Variants in PCDH9 observed in about 807,000 individuals in gnomAD.
PCDH9 encodes protocadherin 9.
PCDH9 carries 24 observed loss-of-function variants against 70.6 expected under a neutral mutation model. That is an observed-to-expected ratio of 0.34 (90% confidence interval 0.25 to 0.48). The LOEUF is 0.48. Ranked by LOEUF, PCDH9 falls within the 20% of genes least tolerant of loss-of-function variation. PCDH9 has a pLI of 0.99. For synonymous variants in PCDH9, 562 were observed against 558.5 expected (o/e 1.01, Z -0.09); for missense variants, 1,281 against 1,503.6 (o/e 0.85, Z 2.45).
At chr13:67,026,012 A>G (rs1247205849) in intron 2 of PCDH9, among the ~76,000 whole-genome samples, 1 of 152,178 alleles carries the variant, frequency 6.6e-6, no homozygotes. Flanking sequence ...TTTATGATAT[A>G]TAGGTATTCT....
At chr13:67,209,741 T>C (rs2089430973) in intron 2 of PCDH9, 1 of 152,130 alleles carries the variant, frequency 6.6e-6, no homozygotes, top group African/African-American at 2.4e-5. Flanking sequence ...AACCGTTTTA[T>C]TTTATTTCCA....
In PCDH9 at chr13:66,551,766, C is replaced by T. The variant is rs895264840; in HGVS notation, c.3340+79444G>A. On this transcript the variant is annotated intron_variant, in intron 4 of 4. Coordinates refer to ENST00000377865, the MANE Select transcript of PCDH9 (RefSeq NM_203487.3). Reference sequence around the variant, plus strand: ...TAAATTATATTTTTTTCATCTTCTGCGTTAAAACCACGTAGAATAATTTTC... The same window carrying T: ...TAAATTATATTTTTTTCATCTTCTGTGTTAAAACCACGTAGAATAATTTTC... 5.6e-4 allele frequency among the ~76,000 whole-genome samples: 85 copies of T among 151,826 alleles called. 1 individual carries two copies. The highest frequency in any genetic ancestry group is 6.3e-4 in the South Asian group (3 of 4,796).
chr13:66,727,877 T>C (rs1237021620), intron 3 of PCDH9, among the ~76,000 whole-genome samples: 2 of 152,156 alleles, frequency 1.3e-5, no homozygotes, highest in Admixed American at 6.6e-5. Flanking sequence ...TACGTAAACT[T>C]AGAGACTACA....
chr13:66,450,513 T>A (rs1958184045), intron 4 of PCDH9, among the ~76,000 whole-genome samples: 1 of 152,192 alleles, frequency 6.6e-6, no homozygotes, highest in South Asian at 2.1e-4. Context: ...TAGAAGGATC[T>A]ATACTATTTC....
intron 3 of PCDH9, among the ~76,000 whole-genome samples, chr13:66,776,446 TCAATG>T (rs1297227144): frequency 6.6e-6 from 1 of 150,792 alleles, no homozygotes; most frequent in East Asian, 2.0e-4. Context: ...GGATACAAAA[TCAATG>T]TACAAAAATC....
chr13:66,414,053 G>GA (rs1593939021), intron 4 of PCDH9, among the ~76,000 whole-genome samples: 1 of 151,418 alleles, frequency 6.6e-6, no homozygotes, highest in Non-Finnish European at 1.5e-5. Context: ...GAAACTCAAA[G>GA]AAAAAATATA....
At chr13:66,503,021 A>G (rs1202921920) in intron 4 of PCDH9, among the ~76,000 whole-genome samples, 1 of 152,214 alleles carries the variant, frequency 6.6e-6, no homozygotes, top group Admixed American at 6.5e-5. Context: ...TACACCTTAA[A>G]GAATCAGTCA....
intron 4 of PCDH9, among the ~76,000 whole-genome samples, chr13:66,553,849 T>C (rs1230715966): frequency 6.6e-6 from 1 of 152,324 alleles, no homozygotes; most frequent in South Asian, 2.1e-4. Flanking sequence ...CCAAAAGAAC[T>C]ATTTAATCTT....
At chr13:67,009,484 A>G (rs1447070972) in intron 2 of PCDH9, among the ~76,000 whole-genome samples, 2 of 152,110 alleles carry the variant, frequency 1.3e-5, no homozygotes, top group Admixed American at 6.6e-5. Context: ...CTACAAATAT[A>G]TAAGCCTCAA....
intron 3 of PCDH9, among the ~76,000 whole-genome samples, chr13:66,795,590 T>G (rs1156324718): frequency 1.3e-5 from 2 of 152,194 alleles, no homozygotes; most frequent in African/African-American, 4.8e-5. Context: ...AGTATTTTTA[T>G]GCCTGTTTTT....
At chr13:66,425,595 C>T (rs774821557) in intron 4 of PCDH9, among the ~76,000 whole-genome samples, 21 of 151,282 alleles carry the variant, frequency 1.4e-4, no homozygotes, top group Non-Finnish European at 2.8e-4. Flanking sequence ...TGTATTTGTC[C>T]TACCGGAGTT....
intron 2 of PCDH9, among the ~76,000 whole-genome samples, chr13:66,934,670 A>G (rs1053136863): frequency 2.4e-5 from 3 of 124,402 alleles, no homozygotes; most frequent in Non-Finnish European, 5.2e-5. Flanking sequence ...TGAAGATAAC[A>G]TTTCCTTTTG....
At chr13:67,071,150 G>A (rs969766109) in intron 2 of PCDH9, among the ~76,000 whole-genome samples, 1 of 152,086 alleles carries the variant, frequency 6.6e-6, no homozygotes, top group Non-Finnish European at 1.5e-5. Flanking sequence ...GAAAAAACAA[G>A]GAGAGCCAAA....
rs998766217 is a variant in PCDH9, at chr13:66,925,261, G to A, written c.3037-21656C>T. ...TCAAGCCATTTTATTTTTAAAAATCGAGTGGTTTTCAATAGTGAAAATAAC... is the reference window on the plus strand; with the variant it reads ...TCAAGCCATTTTATTTTTAAAAATCAAGTGGTTTTCAATAGTGAAAATAAC... On this transcript the variant is annotated intron_variant, in intron 2 of 4. Coordinates refer to ENST00000377865, the MANE Select transcript of PCDH9 (RefSeq NM_203487.3). Among the ~76,000 whole-genome samples, 9 of 151,684 alleles carry A rather than the reference G, an allele frequency of 5.9e-5. No homozygotes were observed. In the East Asian group the frequency reaches 7.8e-4, roughly 13 times the overall value.
intron 3 of PCDH9, among the ~76,000 whole-genome samples, chr13:66,658,528 T>C (rs1368615304): frequency 6.6e-6 from 1 of 152,164 alleles, no homozygotes; most frequent in East Asian, 1.9e-4. Context: ...TTATCTTTTC[T>C]CTACAGCATT....
At chr13:66,962,094 AC>A (rs1053007019) in intron 2 of PCDH9, among the ~76,000 whole-genome samples, 37 of 152,224 alleles carry the variant, frequency 2.4e-4, no homozygotes, top group African/African-American at 8.2e-4. Flanking sequence ...AGAAAAAAAA[AC>A]ATAGATATCT....
Position 66,310,507 on chromosome 13 carries a change from C to T in PCDH9, c.3341-5479G>A, listed in dbSNP as rs190289932. Among the ~76,000 whole-genome samples, 193 of 152,154 alleles carry T rather than the reference C, an allele frequency of 1.3e-3. 1 individual carries two copies. Among genetic ancestry groups the T allele is most frequent in the African/African-American group, 4.5e-3 (187 of 41,556 alleles). ...AACTGTTACTTCATTGATTAATTCACTGCTGTAATTAAGAAATAGCTTCTG... is the reference window on the plus strand; with the variant it reads ...AACTGTTACTTCATTGATTAATTCATTGCTGTAATTAAGAAATAGCTTCTG... On this transcript the variant is annotated intron_variant, in intron 4 of 4. Transcript: ENST00000377865.
intron 4 of PCDH9, among the ~76,000 whole-genome samples, chr13:66,403,716 C>T (rs1052775615): frequency 6.6e-6 from 1 of 151,984 alleles, no homozygotes; most frequent in Non-Finnish European, 1.5e-5. Flanking sequence ...AAAATCAGAG[C>T]AATAAAGCCA....
At chr13:66,599,815 G>A (rs1466090680) in intron 4 of PCDH9, among the ~76,000 whole-genome samples, 1 of 151,732 alleles carries the variant, frequency 6.6e-6, no homozygotes, top group Non-Finnish European at 1.5e-5. Context: ...ATCTACTAGA[G>A]GAAAGTAATG....
Sources: allele counts gnomAD v4.1 joint callset (sites outside exome capture counted in the v4.1 genomes callset), GRCh38; gene constraint gnomAD v4.1.1; transcripts MANE v1.5; gene names NCBI Gene and HGNC (gene_info 2026-07-23, HGNC 2026-07-21).